Variants in CPNE2 observed in about 807,000 individuals in gnomAD.
CPNE2 encodes copine-2.
In CPNE2, 42 loss-of-function variants were observed where a neutral mutation model predicts 69.7. The ratio of observed to expected loss-of-function variants is 0.60; its 90% CI spans 0.47 to 0.78. The LOEUF (loss-of-function observed/expected upper bound fraction) is 0.78. Ranked by LOEUF, CPNE2 falls within the 30% of genes least tolerant of loss-of-function variation. The pLI is 0.00. For missense variants in CPNE2, 587 were observed against 732.0 expected, an observed-to-expected ratio of 0.80 and a Z score of 2.29; for synonymous variants, 294 against 289.8, an observed-to-expected ratio of 1.01 and a Z score of -0.15.
intron 5 of CPNE2, among the ~76,000 whole-genome samples, 194 bp from the exon 6 acceptor site, chr16:57,119,001 G>A (rs1188370930): frequency 6.6e-6 from 1 of 151,900 alleles, no homozygotes; most frequent in Non-Finnish European, 1.5e-5. Context: ...GGGGGACCTG[G>A]TTGATCCCAG....
intron 1 of CPNE2, among the ~76,000 whole-genome samples, chr16:57,103,163 C>G (rs1187955585): frequency 1.3e-5 from 2 of 152,154 alleles, no homozygotes; most frequent in Admixed American, 1.3e-4. Context: ...CACTCTGTCA[C>G]CCAGATTCGA....
In CPNE2 at chr16:57,102,836, G is replaced by A. The variant is rs114793861; in HGVS notation, c.-35-7872G>A. Among the ~76,000 whole-genome samples the A allele has an allele frequency of 2.6e-4, 40 of 151,856 alleles. No individual in the cohort carries two copies. In the South Asian group the frequency reaches 4.6e-3, roughly 17 times the overall value. ...AGGCTAGTCTTGAGCTCCCGACTTC[G>A]GATGATCCGCCCGCCTCAGCCTCCC... On this transcript the variant is annotated intron_variant, in intron 1 of 15. Transcript: ENST00000290776.
At chr16:57,127,425 A>T (rs1341228386) in intron 11 of CPNE2, among the ~76,000 whole-genome samples, 1 of 152,164 alleles carries the variant, frequency 6.6e-6, no homozygotes, top group Admixed American at 6.5e-5. Context: ...ACTGGATGAC[A>T]CAGGACCTTG....
At chr16:57,145,565 G>T in intron 14 of CPNE2, 1 of 174,466 alleles carries the variant, frequency 5.7e-6, no homozygotes, top group Non-Finnish European at 1.2e-5. Context: ...AGGTGCCCAT[G>T]CCCAGGTGCA....
At chr16:57,145,582 AG>A (rs767027209) in intron 14 of CPNE2, 1 of 178,538 alleles carries the variant, frequency 5.6e-6, no homozygotes, top group Non-Finnish European at 1.2e-5. Context: ...TGCAGCAGAG[AG>A]GGGGAGACCG....
rs2069829984 is a variant in CPNE2 at position 57,130,484 on chromosome 16, A to G, written c.1116+2581A>G. The stretch of plus-strand genomic sequence containing the variant: ...GAGGAAGTGAAGGAGGGAGGGGCAG[A>G]AAGCAAACCCATAAGTAGCAGCATT... On this transcript the variant is annotated intron_variant, in intron 12 of 15. Transcript: ENST00000290776. This position sits in a 1 kb window ranked among gnomAD's most constrained non-coding sequence, Gnocchi z 4.1. Among the ~76,000 whole-genome samples, 1 of 152,030 alleles carries G rather than the reference A, an allele frequency of 6.6e-6. No individual in the cohort carries two copies. The highest frequency in any genetic ancestry group is 2.4e-5 in the African/African-American group (1 of 41,388).
Position 57,130,214 on chromosome 16 carries a change from A to G in CPNE2, c.1116+2311A>G, listed in dbSNP as rs1418531047. Among the ~76,000 whole-genome samples the G allele has an allele frequency of 6.6e-6, 1 of 152,002 alleles. No homozygotes were observed. The highest frequency in any genetic ancestry group is 1.5e-5 in the Non-Finnish European group (1 of 68,000). ...GCCAACATGGTGAAACCCCGTCTCT[A>G]CTAAAAATACAAAAATTAGCTAGGT... On this transcript the variant is annotated intron_variant, in intron 12 of 15. Coordinates refer to ENST00000290776, the MANE Select transcript of CPNE2 (RefSeq NM_152727.6). The surrounding 1 kb of genome is among the most constrained non-coding windows in gnomAD (Gnocchi z 4.1).
chr16:57,111,096 T>C (rs1335122629), intron 2 of CPNE2, among the ~76,000 whole-genome samples, 174 bp downstream of exon 2: 1 of 110,492 alleles, frequency 9.1e-6, no homozygotes, highest in Non-Finnish European at 1.8e-5. Flanking sequence ...ATTTTAAATA[T>C]ATTTAAAATA....
chr16:57,125,634 A>G, intron 10 of CPNE2: 1 of 581,520 alleles, frequency 1.7e-6, no homozygotes, highest in Non-Finnish European at 3.0e-6. Flanking sequence ...ATGTCATCAC[A>G]TCTAGGCAGT....
chr16:57,125,480 G>A, intron 10 of CPNE2: 1 of 405,546 alleles, frequency 2.5e-6, no homozygotes, highest in South Asian at 1.7e-5. Flanking sequence ...GGAAGATGGA[G>A]CAAAGTTAGA....
Position 57,104,064 on chromosome 16 carries a change from A to G in CPNE2, c.-35-6644A>G, listed in dbSNP as rs539673028. Among the ~76,000 whole-genome samples the G allele has an allele frequency of 1.1e-4, 17 of 152,194 alleles. No homozygotes were observed. The South Asian group carries it at 3.5e-3, about 32-fold the overall frequency. ...CCCGAGTAGCTGGGATTAAGGGCAC[A>G]CACCACCACGCCCAGCTAATTTTTG... On this transcript the variant is annotated intron_variant, in intron 1 of 15. Transcript: ENST00000290776.
chr16:57,146,439 G>A lies in CPNE2; in HGVS notation c.1539+118G>A, dbSNP rs2069959267. 2 of 892,694 alleles carry A rather than the reference G, an allele frequency of 2.2e-6. No homozygotes were observed. The highest frequency in any genetic ancestry group is 5.2e-5 in the Admixed American group (2 of 38,104). 55.3% of individuals were successfully genotyped at this position (892,694 alleles called of 1,614,324 possible). A position where few individuals can be genotyped will look rare whatever the true frequency, so the allele number is the denominator to read the frequency against. ...CAATCCTAGACTTCTCCACTCCATT[G>A]ACTATGCTCTTCTGAGGGCCTGCCA... On this transcript the variant is annotated intron_variant, in intron 15 of 15. Transcript: ENST00000290776. The surrounding 1 kb of genome is among the most constrained non-coding windows in gnomAD (Gnocchi z 4.4).
chr16:57,131,918 A>C (rs529045180), intron 12 of CPNE2, among the ~76,000 whole-genome samples: 1 of 152,134 alleles, frequency 6.6e-6, no homozygotes, highest in East Asian at 1.9e-4. Flanking sequence ...CCATGCTCAC[A>C]CTCACATGGG....
intron 9 of CPNE2, among the ~76,000 whole-genome samples, chr16:57,122,010 AG>A (rs1483572427): frequency 6.6e-6 from 1 of 152,224 alleles, no homozygotes; most frequent in Non-Finnish European, 1.5e-5. Flanking sequence ...AGGCCAGGGA[AG>A]GCACGAGCTG....
At chr16:57,094,638 T>G (rs1289694558) in intron 1 of CPNE2, among the ~76,000 whole-genome samples, 1 of 152,178 alleles carries the variant, frequency 6.6e-6, no homozygotes, top group Non-Finnish European at 1.5e-5. Flanking sequence ...CAGCACTTAT[T>G]GGTACGTGGT....
intron 14 of CPNE2, chr16:57,142,353 T>G (rs1015250959): frequency 6.6e-6 from 1 of 152,250 alleles, no homozygotes; most frequent in Non-Finnish European, 1.5e-5. Context: ...ATAAAGGATG[T>G]GTGTGCGTGG....
Position 57,146,556 on chromosome 16 carries a change from TG to T in CPNE2, c.1539+238del, listed in dbSNP as rs2069960198. 1.9e-6 allele frequency: 1 copy of T among 530,838 alleles called. No homozygotes were observed. The highest frequency in any genetic ancestry group is 3.4e-6 in the Non-Finnish European group (1 of 295,620). 32.9% of individuals were successfully genotyped at this position (530,838 alleles called of 1,614,324 possible). A position where few individuals can be genotyped will look rare whatever the true frequency, so the allele number is the denominator to read the frequency against. On this transcript the variant is annotated intron_variant, in intron 15 of 15. Transcript: ENST00000290776. This position sits in a 1 kb window ranked among gnomAD's most constrained non-coding sequence, Gnocchi z 4.4. Reference sequence around the variant, plus strand: ...CACAAACTGATGGAACATGGAGCCGTGGGCATCTAGCCTGAGGCTCTGGGGC... The same window carrying T: ...CACAAACTGATGGAACATGGAGCCGTGGCATCTAGCCTGAGGCTCTGGGGC...
At chr16:57,118,680 GGATGGATGGATA>G (rs1369945625) in intron 5 of CPNE2, among the ~76,000 whole-genome samples, 8 of 151,640 alleles carry the variant, frequency 5.3e-5, no homozygotes, top group Admixed American at 2.6e-4. Context: ...ATGGATGGAT[GGATGGATGGATA>G]GATAGATAGA....
At chr16:57,133,648 G>A (rs906514531) in intron 12 of CPNE2, among the ~76,000 whole-genome samples, 2 of 152,140 alleles carry the variant, frequency 1.3e-5, no homozygotes, top group African/African-American at 4.8e-5. Flanking sequence ...GAGGACCGGG[G>A]CACCCCTCCA....
Sources: gnomAD v4.1 joint callset for allele counts (sites outside exome capture counted in the v4.1 genomes callset) on GRCh38, gnomAD v4.1.1 for gene constraint, Gnocchi (gnomAD v3.1) non-coding constraint, MANE v1.5 for transcripts, NCBI Gene and HGNC (gene_info 2026-07-23, HGNC 2026-07-21) for gene names.